LRMDA: variants seen among roughly 807,000 people sequenced by gnomAD.
LRMDA encodes leucine-rich melanocyte differentiation-associated protein.
A neutral mutation model predicts 29.8 loss-of-function variants in LRMDA; 18 were observed. The observed-to-expected ratio is 0.60, with a 90% CI of 0.42 to 0.90. The LOEUF is 0.90. LRMDA is among the 40% of genes least tolerant of loss of function. The pLI, the probability that LRMDA is intolerant of heterozygous loss-of-function variation, is 0.00. For synonymous variants in LRMDA, 125 were observed against 109.4 expected (o/e 1.14, Z -0.89); for missense variants, 273 against 273.9 (o/e 1.00, Z 0.02).
chr10:75,891,722 T>A (rs76130304), intron 2 of LRMDA, among the ~76,000 whole-genome samples: 9,340 of 152,216 alleles, frequency 0.061, 428 homozygotes, highest in African/African-American at 0.12. Context: ...TGGGACATGG[T>A]CACATTCTGG....
chr10:76,301,996 C>T (rs1840486577), intron 5 of LRMDA, among the ~76,000 whole-genome samples: 1 of 152,136 alleles, frequency 6.6e-6, no homozygotes, highest in Non-Finnish European at 1.5e-5. Context: ...TTCATGGCCT[C>T]CCTAGGCTGG....
At chr10:75,462,843 G>A (rs2132039159) in intron 2 of LRMDA, among the ~76,000 whole-genome samples, 1 of 152,258 alleles carries the variant, frequency 6.6e-6, no homozygotes, top group African/African-American at 2.4e-5. Flanking sequence ...GCGTTGATTT[G>A]CATGTGTTTT....
At chr10:76,546,375 C>T (rs1169834179) in intron 6 of LRMDA, among the ~76,000 whole-genome samples, 1 of 152,154 alleles carries the variant, frequency 6.6e-6, no homozygotes, top group Non-Finnish European at 1.5e-5. Flanking sequence ...GTTGTGGTCA[C>T]TATGATTACC....
intron 5 of LRMDA, among the ~76,000 whole-genome samples, chr10:76,203,834 C>G (rs1372633904): frequency 7.1e-6 from 1 of 141,364 alleles, no homozygotes; most frequent in African/African-American, 2.7e-5. Flanking sequence ...CCCATCTCTC[C>G]ATGTGTCTGT....
chr10:75,526,981 A>G lies in LRMDA; in HGVS notation c.131+88487A>G, dbSNP rs535372897. ...CACCACCTCCATCTAGTTCTTGAAC[A>G]TTTTCATGCCTCCAGAAGGAAACCT... On this transcript the variant is annotated intron_variant, in intron 2 of 6. Transcript: ENST00000611255. Among the ~76,000 whole-genome samples, 3 of 152,284 alleles carry G rather than the reference A, an allele frequency of 2.0e-5. No individual in the cohort carries two copies. In the East Asian group the frequency reaches 5.8e-4, roughly 29 times the overall value.
intron 5 of LRMDA, among the ~76,000 whole-genome samples, chr10:76,212,236 A>AAAACAC (rs1851647679): frequency 7.0e-6 from 1 of 142,848 alleles, no homozygotes; most frequent in Admixed American, 7.1e-5. Context: ...TGAAAATTAA[A>AAAACAC]ACACACACAC....
At chr10:76,136,408 C>T (rs576869321) in intron 5 of LRMDA, among the ~76,000 whole-genome samples, 11 of 152,142 alleles carry the variant, frequency 7.2e-5, no homozygotes, top group African/African-American at 2.2e-4. Context: ...AAAAATTCCC[C>T]ATGGAAACTT....
chr10:76,416,196 G>A (rs573057003), intron 6 of LRMDA, among the ~76,000 whole-genome samples: 1 of 152,326 alleles, frequency 6.6e-6, no homozygotes, highest in African/African-American at 2.4e-5. Context: ...GACTGGGATG[G>A]AAGTTTCGGA....
At chr10:76,427,672 G>A (rs1056423426) in intron 6 of LRMDA, among the ~76,000 whole-genome samples, 6 of 152,136 alleles carry the variant, frequency 3.9e-5, no homozygotes, top group Non-Finnish European at 8.8e-5. Context: ...GGGCATCCCT[G>A]TCTTGTGCCC....
chr10:75,493,771 C>T (rs1845015154), intron 2 of LRMDA, among the ~76,000 whole-genome samples: 1 of 152,152 alleles, frequency 6.6e-6, no homozygotes, highest in African/African-American at 2.4e-5. Flanking sequence ...TTATCCCACT[C>T]AGTCATAACT....
intron 2 of LRMDA, among the ~76,000 whole-genome samples, chr10:75,970,486 T>C (rs957718037): frequency 6.6e-6 from 1 of 152,246 alleles, no homozygotes; most frequent in Non-Finnish European, 1.5e-5. Context: ...CAAACATTCT[T>C]GAAAGCCACC....
chr10:76,415,506 G>C (rs866586106), intron 6 of LRMDA, among the ~76,000 whole-genome samples: 7 of 152,214 alleles, frequency 4.6e-5, no homozygotes, highest in Non-Finnish European at 7.4e-5. Context: ...ATACGTTCTA[G>C]GCTTCAGTTT....
intron 2 of LRMDA, among the ~76,000 whole-genome samples, chr10:75,817,667 A>T (rs762756986): frequency 3.9e-5 from 6 of 152,236 alleles, no homozygotes; most frequent in Non-Finnish European, 8.8e-5. Context: ...TGTATAAAAG[A>T]GAAGACACAC....
At chr10:75,881,843 GCATTTTGTC>G (rs1201457156) in intron 2 of LRMDA, among the ~76,000 whole-genome samples, 5 of 152,154 alleles carry the variant, frequency 3.3e-5, no homozygotes, top group African/African-American at 1.2e-4. Context: ...ACCTTGCTGC[GCATTTTGTC>G]CAATTCTTTG....
At chr10:76,263,478 G>A (rs756785009) in intron 5 of LRMDA, among the ~76,000 whole-genome samples, 2 of 152,108 alleles carry the variant, frequency 1.3e-5, no homozygotes, top group Non-Finnish European at 2.9e-5. Context: ...TTGCATGATG[G>A]TTACTTTATC....
chr10:76,404,181 T>C (rs1422034268), intron 6 of LRMDA, among the ~76,000 whole-genome samples: 2 of 152,188 alleles, frequency 1.3e-5, no homozygotes, highest in East Asian at 3.9e-4. Context: ...GAGATAATTC[T>C]ATTTTGAAAT....
chr10:76,221,419 C>G (rs1477643441), intron 5 of LRMDA, among the ~76,000 whole-genome samples: 1 of 152,244 alleles, frequency 6.6e-6, no homozygotes, highest in Non-Finnish European at 1.5e-5. Context: ...GCAACTTCAG[C>G]AAAGTCTCAG....
intron 5 of LRMDA, among the ~76,000 whole-genome samples, chr10:76,148,742 C>G (rs970328769): frequency 1.3e-5 from 2 of 152,130 alleles, no homozygotes; most frequent in African/African-American, 2.4e-5. Flanking sequence ...GAACCCGGTA[C>G]CTCAGTTGGA....
intron 2 of LRMDA, among the ~76,000 whole-genome samples, chr10:76,023,677 G>A (rs1848014014): frequency 6.6e-6 from 1 of 152,190 alleles, no homozygotes; most frequent in Admixed American, 6.5e-5. Flanking sequence ...CTGCAGCAAG[G>A]TGCTAACCAA....
Sources: allele counts gnomAD v4.1 joint callset (sites outside exome capture counted in the v4.1 genomes callset), GRCh38; gene constraint gnomAD v4.1.1; transcripts MANE v1.5; gene names NCBI Gene and HGNC (gene_info 2026-07-23, HGNC 2026-07-21).